NXN: variants seen among roughly 807,000 people sequenced by gnomAD.
NXN encodes nucleoredoxin 1.
In NXN, 16 loss-of-function variants were observed where a neutral mutation model predicts 48.6. The ratio of observed to expected loss-of-function variants is 0.33; its 90% confidence interval spans 0.22 to 0.50. NXN has a LOEUF of 0.50. Ranked by LOEUF, NXN falls within the 20% of genes least tolerant of loss-of-function variation. NXN has a pLI of 0.98. For missense variants in NXN, 492 were observed against 605.5 expected (o/e 0.81, Z 1.97); for synonymous variants, 281 against 269.6 (o/e 1.04, Z -0.41).
intron 1 of NXN, among the ~76,000 whole-genome samples, chr17:845,661 T>C (rs927866990): frequency 1.3e-5 from 2 of 152,250 alleles, no homozygotes; most frequent in African/African-American, 2.4e-5. Flanking sequence ...ATCAGCTGGA[T>C]GCTGATGTGT....
intron 1 of NXN, among the ~76,000 whole-genome samples, chr17:893,206 A>T (rs2068441776): frequency 6.6e-6 from 1 of 152,242 alleles, no homozygotes; most frequent in South Asian, 2.1e-4. Flanking sequence ...CAATCAGTGC[A>T]GTTGTATCAG....
chr17:905,622 C>T (rs1018121255), intron 1 of NXN, among the ~76,000 whole-genome samples: 16 of 152,020 alleles, frequency 1.1e-4, no homozygotes, highest in African/African-American at 3.9e-4. Context: ...AGGCCAGTGC[C>T]GTTCAATAGA....
At chr17:959,096 G>A (rs888660854) in intron 1 of NXN, 70 of 333,322 alleles carry the variant, frequency 2.1e-4, no homozygotes, top group Middle Eastern at 8.5e-4. Flanking sequence ...CTGGAGGCGC[G>A]TCGACCTGAT....
rs2068722414 is a variant in NXN, at chr17:919,374, A to T, written c.360+59945T>A. Among the ~76,000 whole-genome samples the T allele has an allele frequency of 6.6e-6, 1 of 152,154 alleles. No individual in the cohort carries two copies. Among genetic ancestry groups the T allele is most frequent in the Admixed American group, 6.5e-5 (1 of 15,272 alleles). On this transcript the variant is annotated intron_variant, in intron 1 of 7. Coordinates refer to ENST00000336868, the MANE Select transcript of NXN (RefSeq NM_022463.5). This position sits in a 1 kb window ranked among gnomAD's most constrained non-coding sequence, Gnocchi z 5.1. ...GAGACTCTGTCTCAAAACAAAACAA[A>T]AAAAAGGTTCTGGAATGATTATTCC...
chr17:827,491 C>T (rs868796199), intron 1 of NXN, among the ~76,000 whole-genome samples: 3 of 152,110 alleles, frequency 2.0e-5, no homozygotes, highest in East Asian at 1.9e-4. Flanking sequence ...GGCGTGGTGG[C>T]GGGCGCCTGT....
intron 1 of NXN, among the ~76,000 whole-genome samples, chr17:945,104 C>T (rs982035574): frequency 2.6e-5 from 4 of 152,174 alleles, no homozygotes; most frequent in East Asian, 3.9e-4. Context: ...ATTTTTGAGA[C>T]GGAGTCTCGC....
Position 979,528 on chromosome 17 carries a change from C to A in NXN, c.151G>T (p.Ala51Ser). The change falls in exon 1 of 8, where the codon GCC becomes TCC. Residue 51 changes from alanine to serine, a missense_variant. By Grantham distance (99) the Ala-to-Ser change is moderately conservative (BLOSUM62 1). Around this residue, in one of 3 missense-constraint regions of NXN, gnomAD observed 186 missense variants for 199.1 expected, o/e 0.93. Coordinates refer to ENST00000336868, the MANE Select transcript of NXN (RefSeq NM_022463.5). ...SLSAPCAQLSASLAAFYGRLR... is the reference protein window; with the variant it reads ...SLSAPCAQLSSSLAAFYGRLR... The stretch of plus-strand genomic sequence containing the variant: ...CGCCCGTAGAAGGCGGCCAGGCTGG[C>A]GCTGAGCTGCGCGCAGGGGGCGCTG... The A allele has an allele frequency of 3.8e-6, 5 of 1,312,884 alleles. No homozygotes were observed. Among genetic ancestry groups the A allele is most frequent in the Non-Finnish European group, 4.9e-6 (5 of 1,024,226 alleles). 81.3% of individuals were successfully genotyped at this position (1,312,884 alleles called of 1,614,324 possible).
chr17:864,003 G>C, intron 1 of NXN: 1 of 1,535,298 alleles, frequency 6.5e-7, no homozygotes. Flanking sequence ...TTCGGTGAAA[G>C]GACACAGTTA....
chr17:812,940 A>G (rs952572836), intron 5 of NXN, among the ~76,000 whole-genome samples: 2 of 147,182 alleles, frequency 1.4e-5, no homozygotes, highest in Non-Finnish European at 3.0e-5. Context: ...GTGAGTGTGC[A>G]TATGTGTGAG....
chr17:901,914 G>A (rs933502071), intron 1 of NXN, among the ~76,000 whole-genome samples: 1 of 152,160 alleles, frequency 6.6e-6, no homozygotes, highest in African/African-American at 2.4e-5. Context: ...TGGCCAGGCT[G>A]GTCTCAAACT....
chr17:979,630 C>T lies in NXN; in HGVS notation c.49G>A (p.Gly17Ser). The change falls in exon 1 of 8, where the codon GGC (glycine) becomes AGC (serine). Residue 17 changes from glycine (G) to serine (S), a missense_variant. This residue lies in a region of NXN where 186 missense variants were observed against 199.1 expected (regional missense o/e 0.93). Transcript: ENST00000336868. ...ELLGEKLVTG[G>S]GEEVDVHSLG... ...GAGTGCACGTCCACCTCCTCGCCGCCGCCCGTCACCAGCTTCTCGCCGAGC... is the reference window on the plus strand; with the variant it reads ...GAGTGCACGTCCACCTCCTCGCCGCTGCCCGTCACCAGCTTCTCGCCGAGC... 1 of 1,467,816 alleles carries T rather than the reference C, an allele frequency of 6.8e-7. No individual in the cohort carries two copies. The allele number at this position is 1,467,816 out of a possible 1,614,324, so 90.9% of individuals were successfully genotyped here. A position where few individuals can be genotyped will look rare whatever the true frequency, so the allele number is the denominator to read the frequency against.
At chr17:820,154 T>C (rs1249686058) in intron 4 of NXN, among the ~76,000 whole-genome samples, 1 of 152,180 alleles carries the variant, frequency 6.6e-6, no homozygotes, top group Non-Finnish European at 1.5e-5. Context: ...GGTTACGTGG[T>C]ACGTACATCA....
At chr17:822,549 C>G (rs947052165) in intron 3 of NXN, 92 bp from the exon 4 acceptor site, 1 of 888,154 alleles carries the variant, frequency 1.1e-6, no homozygotes, top group African/African-American at 1.6e-5. Context: ...AGGACTCAAG[C>G]AGGACTGGGA....
chr17:950,586 G>A (rs1251466615), intron 1 of NXN, among the ~76,000 whole-genome samples: 1 of 151,674 alleles, frequency 6.6e-6, no homozygotes, highest in Non-Finnish European at 1.5e-5. Flanking sequence ...GGTGCAAACG[G>A]CCAGGCCAGC....
chr17:930,144 G>A (rs899260465), intron 1 of NXN: 4 of 152,016 alleles, frequency 2.6e-5, no homozygotes, highest in African/African-American at 9.7e-5. Context: ...AGTTAAAAAG[G>A]GGACTCAGGC....
chr17:854,088 C>T (rs907487350), intron 1 of NXN, among the ~76,000 whole-genome samples: 13 of 152,058 alleles, frequency 8.5e-5, no homozygotes, highest in African/African-American at 2.7e-4. Flanking sequence ...CAAAGCTCCA[C>T]GAGGCCAGGG....
intron 1 of NXN, among the ~76,000 whole-genome samples, chr17:833,418 A>C (rs992387566): frequency 2.6e-5 from 4 of 152,174 alleles, no homozygotes; most frequent in Non-Finnish European, 4.4e-5. Context: ...TTGCGGATTC[A>C]CTTACGCAGC....
At chr17:914,179 CGCCCGCCACCACGCCCAGCTA>C in intron 1 of NXN, among the ~76,000 whole-genome samples, 1 of 49,094 alleles carries the variant, frequency 2.0e-5, no homozygotes, top group East Asian at 4.0e-3. Flanking sequence ...GGATTACAGG[CGCCCGCCACCACGCCCAGCTA>C]ATTTTTGTAT....
At chr17:835,102 A>G (rs903784016) in intron 1 of NXN, among the ~76,000 whole-genome samples, 32 of 151,346 alleles carry the variant, frequency 2.1e-4, no homozygotes, top group South Asian at 1.7e-3. Context: ...AGGTCAGGAG[A>G]TCGAGACCAT....
Sources: allele counts gnomAD v4.1 joint callset (sites outside exome capture counted in the v4.1 genomes callset), GRCh38; gene constraint gnomAD v4.1.1; regional missense constraint gnomAD v4.1.1; non-coding constraint Gnocchi (gnomAD v3.1); transcripts MANE v1.5; gene names NCBI Gene and HGNC (gene_info 2026-07-23, HGNC 2026-07-21).